MTOR: variants seen among roughly 807,000 people sequenced by gnomAD.
MTOR encodes the protein mechanistic target of rapamycin kinase, also known as serine/threonine-protein kinase mTOR.
In MTOR, 70 loss-of-function variants were observed where a neutral mutation model predicts 319.8. The ratio of observed to expected loss-of-function variants is 0.22; its 90% CI spans 0.18 to 0.27. The LOEUF (loss-of-function observed/expected upper bound fraction) is 0.27. Ranked by LOEUF, MTOR falls within the 10% of genes least tolerant of loss-of-function variation. MTOR has a pLI of 1.00. For synonymous variants in MTOR, 1,183 were observed against 1,211.4 expected (o/e 0.98, Z 0.49); for missense variants, 1,890 against 3,274.4 (o/e 0.58, Z 10.32).
At position 11,121,704 on chromosome 1, in the gene MTOR, T is replaced by G. The variant is rs1461285843; in HGVS notation, c.6810+275A>C. Among the ~76,000 whole-genome samples the G allele has an allele frequency of 1.3e-5, 2 of 152,232 alleles. No homozygotes were observed. The highest frequency in any genetic ancestry group is 2.9e-5 in the Non-Finnish European group (2 of 68,034). On this transcript the variant is annotated intron_variant, in intron 48 of 57. Transcript: ENST00000361445. The surrounding 1 kb of genome is among the most constrained non-coding windows in gnomAD (Gnocchi z 4.9). ...ATCTACTAAACATTATTTCTCCATA[T>G]GGCCAGTGCTTTGTATACATTAGTA...
chr1:11,228,613 C>G (rs2100853424), intron 19 of MTOR, 55 bp downstream of exon 19: 1 of 1,583,912 alleles, frequency 6.3e-7, no homozygotes, highest in Non-Finnish European at 8.6e-7. Context: ...ACAGATGGAT[C>G]TGTGCATGTG....
In MTOR at chr1:11,230,908, G is replaced by A. The variant is rs2100865620; in HGVS notation, c.2779+17C>T. ...AGTGAGAACTTGGCAAGTCTTTCAT[G>A]GCTACCCCCAACTTACAGGAATCCT... On this transcript the variant is annotated intron_variant, in intron 18 of 57. Transcript: ENST00000361445. 1 of 1,613,320 alleles carries A rather than the reference G, an allele frequency of 6.2e-7. No homozygotes were observed. The highest frequency in any genetic ancestry group is 8.5e-7 in the Non-Finnish European group (1 of 1,179,952).
At chr1:11,148,957 A>T (rs562250154) in intron 31 of MTOR, among the ~76,000 whole-genome samples, 1 of 151,654 alleles carries the variant, frequency 6.6e-6, no homozygotes, top group Non-Finnish European at 1.5e-5. Context: ...GTAGAGACGG[A>T]GTGTCACTAT....
At chr1:11,174,000 T>G (rs1404402347) in intron 28 of MTOR, among the ~76,000 whole-genome samples, 1 of 152,252 alleles carries the variant, frequency 6.6e-6, no homozygotes, top group Non-Finnish European at 1.5e-5. Context: ...CTATGTATTA[T>G]TTCGACCCTG....
chr1:11,166,085 A>G (rs1347660335), intron 29 of MTOR, among the ~76,000 whole-genome samples: 1 of 152,216 alleles, frequency 6.6e-6, no homozygotes, highest in Non-Finnish European at 1.5e-5. Context: ...TCTTATACAA[A>G]AATCAATTCA....
Position 11,139,732 on chromosome 1 carries a change from C to T in MTOR, c.4873-74G>A, listed in dbSNP as rs192476939. On this transcript the variant is annotated intron_variant, in intron 34 of 57. Transcript: ENST00000361445. ...TTTGTGGCAGAGTCTTGCTCTGTCGCCCAGGCTGGAGTGCAGTGGTGCAAT... is the reference window on the plus strand; with the variant it reads ...TTTGTGGCAGAGTCTTGCTCTGTCGTCCAGGCTGGAGTGCAGTGGTGCAAT... 5 of 1,586,724 alleles carry T rather than the reference C, an allele frequency of 3.2e-6. No individual in the cohort carries two copies. In the East Asian group the frequency reaches 1.1e-4, roughly 36 times the overall value.
chr1:11,160,109 T>TTTAA (rs1553179776), intron 29 of MTOR, among the ~76,000 whole-genome samples: 2 of 151,552 alleles, frequency 1.3e-5, no homozygotes, highest in Admixed American at 6.6e-5. Context: ...TATTTATTTA[T>TTTAA]TTAATTTTGA....
intron 49 of MTOR, 75 bp from the exon 50 acceptor site, chr1:11,117,161 T>C (rs1366063136): frequency 2.9e-5 from 36 of 1,242,748 alleles, no homozygotes; most frequent in Non-Finnish European, 4.0e-5. Context: ...TAATAAGCTG[T>C]CTTTGGTTTG....
At chr1:11,223,454 G>A (rs1167843706) in intron 19 of MTOR, among the ~76,000 whole-genome samples, 1 of 152,080 alleles carries the variant, frequency 6.6e-6, no homozygotes, top group Non-Finnish European at 1.5e-5. Flanking sequence ...CTGCAGAAAT[G>A]TATGTACATG....
rs140288227 is a variant in MTOR, at chr1:11,134,410, C to A, written c.5187G>T (p.Gln1729His). ...HFVQTMQQQA[Q>H]HAIATEDQQH... ...GCTGGTCCTCAGTAGCGATGGCATG[C>A]TGGGCCTGTTGCTGCATGGTCTGGA... The change falls in exon 37 of 58, where the codon CAG becomes CAT. Residue 1729 changes from glutamine to histidine, a missense_variant. This residue lies in a region of MTOR where 276 missense variants were observed against 459.4 expected (regional missense o/e 0.60). Transcript: ENST00000361445. The A allele has an allele frequency of 8.5e-5, 137 of 1,614,202 alleles. No homozygotes were observed. The African/African-American group carries it at 1.5e-3, about 18-fold the overall frequency.
chr1:11,170,695 T>C (rs1445925847), intron 28 of MTOR, among the ~76,000 whole-genome samples: 3 of 151,296 alleles, frequency 2.0e-5, no homozygotes, highest in Non-Finnish European at 2.9e-5. Context: ...TTTTTTTTCT[T>C]TTTTTTGAGA....
At chr1:11,157,662 A>G (rs143265405) in intron 29 of MTOR, among the ~76,000 whole-genome samples, 299 of 152,274 alleles carry the variant, frequency 2.0e-3, no homozygotes, top group Non-Finnish European at 3.4e-3. Context: ...AGAGCACCAG[A>G]GCTGTTTCAA....
chr1:11,116,947 A>G, intron 50 of MTOR, 57 bp downstream of exon 50: 1 of 1,332,772 alleles, frequency 7.5e-7, no homozygotes. Flanking sequence ...AAATGAAACC[A>G]TTCAGGAAAA....
chr1:11,248,561 C>T (rs1392337227), intron 6 of MTOR, among the ~76,000 whole-genome samples: 1 of 152,176 alleles, frequency 6.6e-6, no homozygotes, highest in African/African-American at 2.4e-5. Flanking sequence ...CCTGTAATTC[C>T]GGTACTTTGG....
Position 11,243,133 on chromosome 1 carries a change from G to C in MTOR, c.1393C>G (p.Pro465Ala), listed in dbSNP as rs750399134. ...GCTTACTTATGGGCGAAGTCCTTTG[G>C]GGGCAGGGCCGCTCGGATGATGTCC... Reference protein sequence around the residue: ...VLDIIRAALPPKDFAHKRQKA... With the variant: ...VLDIIRAALPAKDFAHKRQKA... The change falls in exon 9 of 58, where the codon CCA becomes GCA. Residue 465 changes from proline to alanine, a missense_variant. Transcript: ENST00000361445. 54 of 1,613,984 alleles carry C rather than the reference G, an allele frequency of 3.3e-5. No homozygotes were observed. Among genetic ancestry groups the C allele is most frequent in the Non-Finnish European group, 4.2e-5 (49 of 1,180,044 alleles).
At chr1:11,139,740 G>A (rs1643598890) in intron 34 of MTOR, 82 bp from the exon 35 acceptor site, 3 of 1,555,340 alleles carry the variant, frequency 1.9e-6, no homozygotes, top group Non-Finnish European at 2.6e-6. Flanking sequence ...CGCCCAGGCT[G>A]GAGTGCAGTG....
intron 28 of MTOR, chr1:11,189,807 C>A: frequency 1.9e-6 from 3 of 1,614,190 alleles, no homozygotes; most frequent in South Asian, 2.2e-5. Flanking sequence ...ACTGGGTCAG[C>A]GTGGTCATGC....
At chr1:11,235,589 T>C (rs1647179919) in intron 13 of MTOR, among the ~76,000 whole-genome samples, 1 of 152,208 alleles carries the variant, frequency 6.6e-6, no homozygotes, top group African/African-American at 2.4e-5. Flanking sequence ...AATTTTAACA[T>C]TTCAAGGGCT....
chr1:11,194,544 GA>G lies in MTOR; in HGVS notation c.4253+4713del. The stretch of plus-strand genomic sequence containing the variant: ...TCAACAGCTATCGCCTCTTCCTGGG[GA>G]ACTACACTGGCAATGTGGGGAACGA... On this transcript the variant is annotated intron_variant, in intron 28 of 57. Coordinates refer to ENST00000361445, the MANE Select transcript of MTOR (RefSeq NM_004958.4). 9 of 1,614,074 alleles carry G rather than the reference GA, an allele frequency of 5.6e-6. No homozygotes were observed. The South Asian group carries it at 7.7e-5, about 14-fold the overall frequency.
Sources: gnomAD v4.1 joint callset for allele counts (sites outside exome capture counted in the v4.1 genomes callset) on GRCh38, gnomAD v4.1.1 for gene constraint, gnomAD v4.1.1 regional missense constraint, Gnocchi (gnomAD v3.1) non-coding constraint, MANE v1.5 for transcripts, NCBI Gene and HGNC (gene_info 2026-07-23, HGNC 2026-07-21) for gene names.